The following TMEM164 variants were observed in gnomAD, a reference collection of about 807,000 sequenced individuals.
The protein encoded by TMEM164 is transmembrane protein 164.
In TMEM164, 4 loss-of-function variants were observed where a neutral mutation model predicts 18.8. That is an observed-to-expected ratio of 0.21 (90% confidence interval 0.10 to 0.49). TMEM164 has a LOEUF of 0.49. Ranked by LOEUF, TMEM164 falls within the 20% of genes least tolerant of loss-of-function variation. TMEM164 has a pLI of 0.98. For synonymous variants in TMEM164, 86 were observed against 101.7 expected, an observed-to-expected ratio of 0.85 and a Z score of 0.93; for missense variants, 108 against 239.9, an observed-to-expected ratio of 0.45 and a Z score of 3.63.
intron 3 of TMEM164, among the ~76,000 whole-genome samples, chrX:110,094,568 C>G (rs1299541725): frequency 9.0e-6 from 1 of 111,616 alleles, no homozygotes; most frequent in South Asian, 3.7e-4. Flanking sequence ...GATCCTGTGT[C>G]TGTCTCTGCA....
chrX:110,018,438 T>C (rs1406931875), intron 2 of TMEM164, among the ~76,000 whole-genome samples: 1 of 111,390 alleles, frequency 9.0e-6, no homozygotes, highest in Non-Finnish European at 1.9e-5. Flanking sequence ...AGAAATAGAG[T>C]GTGGTAGTTA....
chrX:110,028,554 T>G (rs1177438141), intron 2 of TMEM164, among the ~76,000 whole-genome samples: 1 of 112,541 alleles, frequency 8.9e-6, no homozygotes, highest in Non-Finnish European at 1.9e-5. Flanking sequence ...ATTTTGTTAT[T>G]GCTCAGTTCC....
intron 4 of TMEM164, among the ~76,000 whole-genome samples, chrX:110,129,692 T>C (rs1237159817): frequency 5.3e-5 from 6 of 112,790 alleles, no homozygotes; most frequent in Non-Finnish European, 9.4e-5. Flanking sequence ...TTTCCAACAC[T>C]TTTATGGCTG....
intron 5 of TMEM164, among the ~76,000 whole-genome samples, chrX:110,153,330 C>T (rs919840907): frequency 8.9e-6 from 1 of 111,944 alleles, no homozygotes; most frequent in Non-Finnish European, 1.9e-5. Context: ...GAATGACCTT[C>T]TATTCAGGGA....
chrX:110,037,910 A>G (rs1451911225), intron 2 of TMEM164, among the ~76,000 whole-genome samples: 3 of 110,871 alleles, frequency 2.7e-5, no homozygotes, highest in Non-Finnish European at 5.7e-5. Flanking sequence ...TTATATTTCC[A>G]TAACTGCATC....
At chrX:110,168,468 C>T (rs2067187345) in intron 5 of TMEM164, among the ~76,000 whole-genome samples, 1 of 112,578 alleles carries the variant, frequency 8.9e-6, no homozygotes, top group African/African-American at 3.2e-5. Flanking sequence ...CCTAGTGAGT[C>T]CCCTGGCAGT....
chrX:110,082,514 A>G (rs1019314294), intron 3 of TMEM164, among the ~76,000 whole-genome samples: 1 of 111,922 alleles, frequency 8.9e-6, no homozygotes, highest in East Asian at 2.8e-4. Flanking sequence ...AATAAAACCA[A>G]CATATCCTTA....
intron 4 of TMEM164, among the ~76,000 whole-genome samples, chrX:110,124,722 G>A (rs764917998): frequency 1.8e-4 from 20 of 111,547 alleles, no homozygotes; most frequent in African/African-American, 6.5e-4. Context: ...CACAAAAGTA[G>A]AAAAAATGTT....
intron 2 of TMEM164, among the ~76,000 whole-genome samples, chrX:110,029,717 C>T (rs1400958072): frequency 9.0e-6 from 1 of 111,454 alleles, no homozygotes; most frequent in Non-Finnish European, 1.9e-5. Context: ...ACTTTTCAGT[C>T]CAGCTCTTGA....
intron 3 of TMEM164, among the ~76,000 whole-genome samples, chrX:110,081,556 G>T (rs2065757699): frequency 8.9e-6 from 1 of 112,207 alleles, no homozygotes; most frequent in Admixed American, 9.4e-5. Context: ...TTGATCCAAA[G>T]TTTCTCTCAC....
At chrX:110,011,140 A>G (rs961746781) in intron 2 of TMEM164, among the ~76,000 whole-genome samples, 7 of 112,060 alleles carry the variant, frequency 6.2e-5, no homozygotes, top group African/African-American at 1.9e-4. Context: ...ATTCAAAGAG[A>G]AATAAGAAGC....
chrX:110,069,570 C>CTTTTTTTTTTTT (rs72102436), intron 3 of TMEM164, among the ~76,000 whole-genome samples: 2 of 91,467 alleles, frequency 2.2e-5, no homozygotes, highest in African/African-American at 4.0e-5. Flanking sequence ...TTTATATTGA[C>CTTTTTTTTTTTT]TTTTTTTTTT....
At chrX:110,068,576 CTTTCT>C (rs2065534918) in intron 3 of TMEM164, among the ~76,000 whole-genome samples, 1 of 112,205 alleles carries the variant, frequency 8.9e-6, no homozygotes, top group South Asian at 3.7e-4. Flanking sequence ...TGCTTATTAC[CTTTCT>C]TTTCTTAAGA....
At chrX:110,053,561 A>T (rs1477725326) in intron 2 of TMEM164, among the ~76,000 whole-genome samples, 2 of 111,778 alleles carry the variant, frequency 1.8e-5, no homozygotes, top group Non-Finnish European at 3.8e-5. Flanking sequence ...TAAAAACCCC[A>T]ACTTTGGCCA....
chrX:110,076,692 A>T (rs748250749), intron 3 of TMEM164, among the ~76,000 whole-genome samples: 1 of 111,858 alleles, frequency 8.9e-6, no homozygotes, highest in East Asian at 2.8e-4. Context: ...ATGTCGAAGA[A>T]TTTTTTGATT....
intron 5 of TMEM164, among the ~76,000 whole-genome samples, chrX:110,162,594 G>A (rs1243778789): frequency 8.9e-6 from 1 of 112,120 alleles, no homozygotes; most frequent in South Asian, 3.7e-4. Flanking sequence ...ATGCCTGGAT[G>A]AGGGGAAACC....
At chrX:110,116,151 CTA>C (rs1031842676) in intron 4 of TMEM164, among the ~76,000 whole-genome samples, 8 of 111,937 alleles carry the variant, frequency 7.1e-5, no homozygotes, top group African/African-American at 2.3e-4. Context: ...TGCAGTTGCT[CTA>C]TGTTTCAAGA....
intron 2 of TMEM164, among the ~76,000 whole-genome samples, chrX:110,028,336 G>C (rs969301013): frequency 8.9e-6 from 1 of 111,872 alleles, no homozygotes; most frequent in Non-Finnish European, 1.9e-5. Context: ...TTACATGTTT[G>C]TTTTCTATTT....
intron 2 of TMEM164, among the ~76,000 whole-genome samples, chrX:110,062,190 C>T (rs1423341847): frequency 1.8e-5 from 2 of 112,070 alleles, no homozygotes; most frequent in East Asian, 2.8e-4. Flanking sequence ...TCTATATTAG[C>T]TGTCATTAAT....
Sources: gnomAD v4.1 joint callset for allele counts (sites outside exome capture counted in the v4.1 genomes callset) on GRCh38, gnomAD v4.1.1 for gene constraint, MANE v1.5 for transcripts, NCBI Gene and HGNC (gene_info 2026-07-23, HGNC 2026-07-21) for gene names.